The following C1orf21 variants were observed in gnomAD, a reference collection of about 807,000 sequenced individuals.
The protein encoded by C1orf21 is uncharacterized protein C1orf21.
A neutral mutation model predicts 18.7 loss-of-function variants in C1orf21; 3 were observed. The ratio of observed to expected loss-of-function variants is 0.16; its 90% CI spans 0.07 to 0.42. The LOEUF (loss-of-function observed/expected upper bound fraction) is 0.42, where lower values mean the gene tolerates loss of function less well. C1orf21 is among the 10% of genes least tolerant of loss of function. The probability of loss-of-function intolerance (pLI) is 0.99; values close to 1 mark genes in which losing one functional copy is unlikely to be tolerated. For synonymous variants in C1orf21, 41 were observed against 46.4 expected, an observed-to-expected ratio of 0.88 and a Z score of 0.47; for missense variants, 104 against 143.6, an observed-to-expected ratio of 0.72 and a Z score of 1.41.
chr1:184,449,622 C>G (rs1041313406), intron 1 of C1orf21, among the ~76,000 whole-genome samples: 1 of 152,092 alleles, frequency 6.6e-6, no homozygotes, highest in African/African-American at 2.4e-5. Flanking sequence ...TTTCTTAATA[C>G]TCAGGAACCA....
chr1:184,591,617 T>C (rs949309144), intron 4 of C1orf21, among the ~76,000 whole-genome samples: 5 of 151,954 alleles, frequency 3.3e-5, no homozygotes, highest in East Asian at 3.9e-4. Flanking sequence ...CCATCCTGGC[T>C]AACACGATGA....
intron 1 of C1orf21, among the ~76,000 whole-genome samples, chr1:184,402,691 A>G (rs1656175709): frequency 6.6e-6 from 1 of 151,370 alleles, no homozygotes; most frequent in Admixed American, 6.6e-5. Flanking sequence ...ATTTCTATAC[A>G]TAGTTGGCTG....
chr1:184,540,323 C>T (rs1158073675), intron 3 of C1orf21, among the ~76,000 whole-genome samples: 1 of 152,072 alleles, frequency 6.6e-6, no homozygotes, highest in African/African-American at 2.4e-5. Context: ...TGCATCTTAA[C>T]ATAATTTTTA....
intron 3 of C1orf21, among the ~76,000 whole-genome samples, chr1:184,548,255 A>ACT (rs1219762884): frequency 6.3e-5 from 9 of 143,958 alleles, no homozygotes; most frequent in African/African-American, 1.3e-4. Flanking sequence ...ACACACACAC[A>ACT]CTCACACACT....
chr1:184,612,520 GT>G (rs1299765401), intron 5 of C1orf21, among the ~76,000 whole-genome samples: 1 of 152,212 alleles, frequency 6.6e-6, no homozygotes, highest in African/African-American at 2.4e-5. Context: ...GAGGTCAGGA[GT>G]TTGAGACTAG....
At chr1:184,404,067 A>G (rs908592655) in intron 1 of C1orf21, among the ~76,000 whole-genome samples, 2 of 152,234 alleles carry the variant, frequency 1.3e-5, no homozygotes, top group African/African-American at 2.4e-5. Context: ...AACTCATTTA[A>G]TCGGATAATA....
chr1:184,585,599 T>C (rs1659341126), intron 3 of C1orf21, among the ~76,000 whole-genome samples: 2 of 152,198 alleles, frequency 1.3e-5, no homozygotes, highest in Admixed American at 1.3e-4. Flanking sequence ...CAGTTATTTT[T>C]CCTGATCCTC....
chr1:184,615,026 T>A lies in C1orf21; in HGVS notation c.328-4492T>A, dbSNP rs1659799895. Among the ~76,000 whole-genome samples, 3 of 152,182 alleles carry A rather than the reference T, an allele frequency of 2.0e-5. No homozygotes were observed. The South Asian group carries it at 6.2e-4, about 32-fold the overall frequency. Reference sequence around the variant, plus strand: ...GTGGAGGAAAAGTACGTTAGGCACATTGGAGGAACAGTTTCTTAAAGTCAC... The same window carrying A: ...GTGGAGGAAAAGTACGTTAGGCACAATGGAGGAACAGTTTCTTAAAGTCAC... On this transcript the variant is annotated intron_variant, in intron 5 of 5. Transcript: ENST00000235307.
chr1:184,463,892 C>A (rs1413808909), intron 1 of C1orf21, among the ~76,000 whole-genome samples: 1 of 152,168 alleles, frequency 6.6e-6, no homozygotes, highest in Non-Finnish European at 1.5e-5. Context: ...ATCTGAGTGC[C>A]TGGAGCAAGA....
rs2102016071 is a variant in C1orf21, at chr1:184,623,338, C to A, written c.*3782C>A. On this transcript the variant is annotated 3_prime_UTR_variant, in exon 6 of 6. Transcript: ENST00000235307. ...CAAAATAATTGGTATCTAAAGTTCT[C>A]TCCTTCCTGCCTCCCCTAAAGAAAA... The A allele has an allele frequency of 6.6e-6, 1 of 152,278 alleles. No homozygotes were observed. Among genetic ancestry groups the A allele is most frequent in the African/African-American group, 2.4e-5 (1 of 41,558 alleles). 9.4% of individuals were successfully genotyped at this position (152,278 alleles called of 1,614,324 possible).
chr1:184,570,477 G>A (rs1329713198), intron 3 of C1orf21, among the ~76,000 whole-genome samples: 1 of 152,034 alleles, frequency 6.6e-6, no homozygotes, highest in Admixed American at 6.6e-5. Flanking sequence ...TATATCTCAG[G>A]CAGGGCAAAC....
intron 3 of C1orf21, among the ~76,000 whole-genome samples, chr1:184,564,144 T>C (rs972949196): frequency 4.6e-5 from 7 of 152,160 alleles, no homozygotes; most frequent in African/African-American, 1.7e-4. Flanking sequence ...CTTAGGCAAA[T>C]TGCTGAAACT....
chr1:184,606,379 C>G (rs1376504922), intron 5 of C1orf21, among the ~76,000 whole-genome samples: 1 of 152,000 alleles, frequency 6.6e-6, no homozygotes, highest in Non-Finnish European at 1.5e-5. Flanking sequence ...AGTTTGAGAC[C>G]AGCCTGGGCA....
intron 5 of C1orf21, among the ~76,000 whole-genome samples, chr1:184,611,067 C>T (rs1009262876): frequency 6.6e-6 from 1 of 152,262 alleles, no homozygotes; most frequent in East Asian, 1.9e-4. Flanking sequence ...GGCTGTCACA[C>T]TCCACTGCTC....
chr1:184,469,460 G>T (rs1434515374), intron 1 of C1orf21, among the ~76,000 whole-genome samples: 1 of 152,184 alleles, frequency 6.6e-6, no homozygotes, highest in African/African-American at 2.4e-5. Flanking sequence ...TGTAGAAGTT[G>T]AGGCTTTGCA....
intron 4 of C1orf21, among the ~76,000 whole-genome samples, chr1:184,598,084 CT>C (rs1195613377): frequency 2.7e-5 from 4 of 150,564 alleles, no homozygotes; most frequent in Non-Finnish European, 5.9e-5. Context: ...CTTGCTCATG[CT>C]TTTTTTTTAA....
chr1:184,439,355 T>G (rs1656910148), intron 1 of C1orf21, among the ~76,000 whole-genome samples: 1 of 151,532 alleles, frequency 6.6e-6, no homozygotes, highest in Non-Finnish European at 1.5e-5. Context: ...GGTTACTTAC[T>G]CTCTTGAGAC....
chr1:184,472,367 T>G (rs1657508137), intron 1 of C1orf21, among the ~76,000 whole-genome samples: 4 of 152,160 alleles, frequency 2.6e-5, no homozygotes, highest in African/African-American at 9.7e-5. Flanking sequence ...TTTCCAGTCC[T>G]CCAAGCCTCA....
intron 5 of C1orf21, among the ~76,000 whole-genome samples, chr1:184,618,709 A>G (rs965595643): frequency 6.6e-6 from 1 of 150,584 alleles, no homozygotes; most frequent in Non-Finnish European, 1.5e-5. Context: ...GGAAACAAAT[A>G]ATAATAACAC....
Sources: allele counts gnomAD v4.1 joint callset (sites outside exome capture counted in the v4.1 genomes callset), GRCh38; gene constraint gnomAD v4.1.1; transcripts MANE v1.5; gene names NCBI Gene and HGNC (gene_info 2026-07-23, HGNC 2026-07-21).